Variants in PLEKHA5 observed in about 807,000 individuals in gnomAD.
The protein encoded by PLEKHA5 is pleckstrin homology domain-containing family A member 5.
In PLEKHA5, 55 loss-of-function variants were observed where a neutral mutation model predicts 181.9. That is an observed-to-expected ratio of 0.30 (90% CI 0.24 to 0.38). The LOEUF (loss-of-function observed/expected upper bound fraction) is 0.38, where lower values mean the gene tolerates loss of function less well. Among genes scored for constraint, PLEKHA5 ranks in the 10% least tolerant of loss-of-function variants. The pLI, the probability that PLEKHA5 is intolerant of heterozygous loss-of-function variation, is 1.00. For synonymous variants in PLEKHA5, 535 were observed against 529.4 expected, an observed-to-expected ratio of 1.01 and a Z score of -0.15; for missense variants, 1,432 against 1,549.5, an observed-to-expected ratio of 0.92 and a Z score of 1.27.
intron 3 of PLEKHA5, among the ~76,000 whole-genome samples, chr12:19,208,906 AGTTT>A (rs1216830275): frequency 6.6e-6 from 1 of 152,166 alleles, no homozygotes; most frequent in African/African-American, 2.4e-5. Flanking sequence ...ATATTTTGGT[AGTTT>A]AGTAGCCATA....
At chr12:19,278,750 C>T (rs1016616246) in intron 11 of PLEKHA5, among the ~76,000 whole-genome samples, 1 of 151,968 alleles carries the variant, frequency 6.6e-6, no homozygotes, top group African/African-American at 2.4e-5. Context: ...GGGAAAGCCT[C>T]AAGGAATTGA....
intron 3 of PLEKHA5, among the ~76,000 whole-genome samples, chr12:19,210,922 T>A (rs886256114): frequency 8.5e-5 from 13 of 152,182 alleles, no homozygotes; most frequent in East Asian, 7.7e-4. Context: ...ATTTTTTTTT[T>A]TATATTTGAA....
chr12:19,330,005 A>C (rs1224647201), intron 20 of PLEKHA5, among the ~76,000 whole-genome samples: 1 of 152,110 alleles, frequency 6.6e-6, no homozygotes, highest in Non-Finnish European at 1.5e-5. Context: ...CAGCAGGATG[A>C]CCTGAGCCCA....
At position 19,129,860 on chromosome 12, in the gene PLEKHA5, A is replaced by G; in HGVS notation, c.61A>G (p.Thr21Ala). The part of the protein sequence containing the change: ...SLPRSWTYGI[T>A]RGGRVFFINE... ...GCCCCGGTCCTGGACTTACGGGATC[A>G]CCAGGGGCGGCCGAGTCTTCTTCAT... Residue 21 changes from threonine (T) to alanine (A), a missense_variant, in exon 1 of 32, where the codon ACC becomes GCC. Coordinates refer to ENST00000429027, the MANE Select transcript of PLEKHA5 (RefSeq NM_001256470.2). 6.2e-7 allele frequency: 1 copy of G among 1,605,176 alleles called. No homozygotes were observed. The highest frequency in any genetic ancestry group is 8.5e-7 in the Non-Finnish European group (1 of 1,176,472).
At chr12:19,261,243 G>C (rs755071167) in intron 7 of PLEKHA5, among the ~76,000 whole-genome samples, 1 of 152,066 alleles carries the variant, frequency 6.6e-6, no homozygotes, top group Non-Finnish European at 1.5e-5. Context: ...TTTTGGTTCA[G>C]CTTCCCTAAT....
At chr12:19,304,779 A>C (rs185386729) in intron 15 of PLEKHA5, among the ~76,000 whole-genome samples, 11 of 150,898 alleles carry the variant, frequency 7.3e-5, no homozygotes, top group African/African-American at 2.4e-4. Flanking sequence ...CTTTTGCCAG[A>C]TATGAGAACT....
chr12:19,354,355 G>T (rs1276872009), intron 26 of PLEKHA5, among the ~76,000 whole-genome samples: 2 of 141,984 alleles, frequency 1.4e-5, no homozygotes, highest in South Asian at 2.3e-4. Context: ...GGGTTTCACC[G>T]TGTTAGCCAG....
intron 15 of PLEKHA5, among the ~76,000 whole-genome samples, chr12:19,298,488 C>G (rs1225064114): frequency 6.8e-6 from 1 of 147,098 alleles, no homozygotes; most frequent in Non-Finnish European, 1.5e-5. Context: ...CCTGCCTCAG[C>G]CTCCCGAGTA....
intron 3 of PLEKHA5, among the ~76,000 whole-genome samples, chr12:19,225,706 T>C (rs962037994): frequency 1.8e-4 from 27 of 152,204 alleles, no homozygotes; most frequent in African/African-American, 6.5e-4. Flanking sequence ...AGGATCTCCT[T>C]CATTTGTGGT....
chr12:19,156,773 G>A (rs896021070), intron 3 of PLEKHA5, among the ~76,000 whole-genome samples: 2 of 151,722 alleles, frequency 1.3e-5, no homozygotes, highest in African/African-American at 4.8e-5. Context: ...GGTCCAGCAC[G>A]GTGGCTCACG....
intron 30 of PLEKHA5, among the ~76,000 whole-genome samples, chr12:19,368,711 A>G (rs2095499721): frequency 6.6e-6 from 1 of 152,110 alleles, no homozygotes; most frequent in African/African-American, 2.4e-5. Context: ...GAATCGCTTG[A>G]ACTTGGGAGG....
intron 31 of PLEKHA5, among the ~76,000 whole-genome samples, chr12:19,370,540 A>T (rs906069387): frequency 3.3e-5 from 5 of 152,016 alleles, no homozygotes; most frequent in African/African-American, 1.2e-4. Flanking sequence ...TAAGAATGTT[A>T]TGCCTTTTTC....
rs1471937266 is a variant in PLEKHA5 at position 19,291,639 on chromosome 12, AC to A, written c.1984-4del. The A allele has an allele frequency of 6.7e-7, 1 of 1,496,228 alleles. No individual in the cohort carries two copies. Among genetic ancestry groups the A allele is most frequent in the Non-Finnish European group, 9.0e-7 (1 of 1,112,306 alleles). The allele number at this position is 1,496,228 out of a possible 1,614,324, so 92.7% of individuals were successfully genotyped here. ...GTCCCTTTTTTCTTAATTGGTGCCTACTAGAATGAAATTCTTTCACATCATC... is the reference window on the plus strand; with the variant it reads ...GTCCCTTTTTTCTTAATTGGTGCCTATAGAATGAAATTCTTTCACATCATC... On this transcript the variant is annotated splice_polypyrimidine_tract_variant and splice_region_variant and intron_variant, in intron 14 of 31. Coordinates refer to ENST00000429027, the MANE Select transcript of PLEKHA5 (RefSeq NM_001256470.2).
chr12:19,288,167 G>C, intron 13 of PLEKHA5: 1 of 251,636 alleles, frequency 4.0e-6, no homozygotes, highest in Non-Finnish European at 8.0e-6. Flanking sequence ...AGAAGTTGCA[G>C]TAATTCATTA....
intron 15 of PLEKHA5, among the ~76,000 whole-genome samples, chr12:19,300,857 G>A (rs534043532): frequency 2.0e-5 from 3 of 151,908 alleles, no homozygotes; most frequent in East Asian, 1.9e-4. Flanking sequence ...AAATTTGGAC[G>A]GGTGCGGTGG....
chr12:19,345,749 AAG>A (rs2153193687), intron 22 of PLEKHA5, 91 bp from the exon 23 acceptor site: 1 of 641,674 alleles, frequency 1.6e-6, no homozygotes, highest in Non-Finnish European at 2.6e-6. Context: ...GGCAAACAGC[AAG>A]ACTTCATTTC....
chr12:19,374,869 T>C (rs2095675829), intron 31 of PLEKHA5, among the ~76,000 whole-genome samples: 2 of 150,076 alleles, frequency 1.3e-5, no homozygotes, highest in East Asian at 2.0e-4. Context: ...GCAGGAGAAT[T>C]GTTGGAACCC....
Position 19,343,260 on chromosome 12 carries a change from A to G in PLEKHA5, c.2551-63A>G. 9.4e-6 allele frequency: 8 copies of G among 854,400 alleles called. No individual in the cohort carries two copies. The South Asian group carries it at 1.3e-4, about 14-fold the overall frequency. 52.9% of individuals were successfully genotyped at this position (854,400 alleles called of 1,614,324 possible). On this transcript the variant is annotated intron_variant, in intron 21 of 31. Transcript: ENST00000429027. ...GATGTAATTTATATAATTAATATAT[A>G]ATCATTTAACTTCAGTGAATGATTT...
chr12:19,212,578 G>T (rs1211633778), intron 3 of PLEKHA5, among the ~76,000 whole-genome samples: 1 of 152,002 alleles, frequency 6.6e-6, no homozygotes, highest in Non-Finnish European at 1.5e-5. Context: ...CTACTCCGGA[G>T]GCGGAGACAC....
Sources: gnomAD v4.1 joint callset for allele counts (sites outside exome capture counted in the v4.1 genomes callset) on GRCh38, gnomAD v4.1.1 for gene constraint, MANE v1.5 for transcripts, NCBI Gene and HGNC (gene_info 2026-07-23, HGNC 2026-07-21) for gene names.